The following IGSF21 variants were observed in gnomAD, a reference collection of about 807,000 sequenced individuals.
The protein encoded by IGSF21 is immunoglobin superfamily member 21, also known as immunoglobulin superfamily member 21.
In IGSF21, 28 loss-of-function variants were observed where a neutral mutation model predicts 46.8. The ratio of observed to expected loss-of-function variants is 0.60; its 90% CI spans 0.44 to 0.82. The LOEUF is 0.82. Ranked by LOEUF, IGSF21 falls within the 40% of genes least tolerant of loss-of-function variation. The pLI, the probability that IGSF21 is intolerant of heterozygous loss-of-function variation, is 0.00. For missense variants in IGSF21, 624 were observed against 665.5 expected (o/e 0.94, Z 0.69); for synonymous variants, 284 against 273.6 (o/e 1.04, Z -0.38).
intron 6 of IGSF21, among the ~76,000 whole-genome samples, chr1:18,371,447 C>T (rs555616105): frequency 7.9e-5 from 12 of 152,190 alleles, no homozygotes; most frequent in African/African-American, 1.7e-4. Context: ...TAGCTCATGC[C>T]TGTAGGCCCA....
intron 1 of IGSF21, among the ~76,000 whole-genome samples, chr1:18,222,862 C>T (rs1401887723): frequency 6.6e-6 from 1 of 152,204 alleles, no homozygotes; most frequent in Non-Finnish European, 1.5e-5. Flanking sequence ...AGCTCCCTTG[C>T]TATATGAACC....
At chr1:18,289,159 A>T (rs957980464) in intron 2 of IGSF21, among the ~76,000 whole-genome samples, 2 of 151,934 alleles carry the variant, frequency 1.3e-5, no homozygotes, top group South Asian at 4.2e-4. Context: ...TTTGTGTAAT[A>T]AAAAAAATGG....
chr1:18,134,724 CTGAAAA>C (rs1448942020), intron 1 of IGSF21, among the ~76,000 whole-genome samples: 2 of 152,162 alleles, frequency 1.3e-5, no homozygotes, highest in Non-Finnish European at 2.9e-5. Context: ...CTCACAGGTA[CTGAAAA>C]ACCCCAGCAC....
At chr1:18,128,028 T>C (rs1409473651) in intron 1 of IGSF21, among the ~76,000 whole-genome samples, 2 of 152,146 alleles carry the variant, frequency 1.3e-5, no homozygotes, top group African/African-American at 4.8e-5. Context: ...AGGTCTTCAT[T>C]CAAGGGAAGA....
At chr1:18,172,526 G>C (rs868446532) in intron 1 of IGSF21, among the ~76,000 whole-genome samples, 34 of 152,332 alleles carry the variant, frequency 2.2e-4, no homozygotes, top group Middle Eastern at 6.8e-3. Context: ...CTGACTTGTA[G>C]ATGGCCGCCT....
chr1:18,255,393 C>T (rs1006597250), intron 2 of IGSF21, among the ~76,000 whole-genome samples: 1 of 152,148 alleles, frequency 6.6e-6, no homozygotes, highest in South Asian at 2.1e-4. Flanking sequence ...TGCCCTCTGC[C>T]TGTTGCAATG....
At chr1:18,254,365 AC>A (rs2084870497) in intron 2 of IGSF21, among the ~76,000 whole-genome samples, 1 of 150,538 alleles carries the variant, frequency 6.6e-6, no homozygotes, top group African/African-American at 2.5e-5. Flanking sequence ...CAAAACCCTA[AC>A]CCTAACCCTA....
At chr1:18,274,516 A>G (rs116656117) in intron 2 of IGSF21, among the ~76,000 whole-genome samples, 2 of 152,392 alleles carry the variant, frequency 1.3e-5, no homozygotes, top group Non-Finnish European at 2.9e-5. Flanking sequence ...GTTTTTGTAA[A>G]TAAAGTTTTA....
At chr1:18,111,413 T>A (rs2086144257) in intron 1 of IGSF21, 2 of 152,230 alleles carry the variant, frequency 1.3e-5, no homozygotes, top group Non-Finnish European at 2.9e-5. Context: ...GAAACTTGTG[T>A]GTTTTTCTTT....
At chr1:18,139,927 C>A (rs2086400266) in intron 1 of IGSF21, among the ~76,000 whole-genome samples, 1 of 151,178 alleles carries the variant, frequency 6.6e-6, no homozygotes, top group Non-Finnish European at 1.5e-5. Flanking sequence ...ATGAATATCC[C>A]AACTTCCTTT....
chr1:18,286,039 C>A (rs1356899972), intron 2 of IGSF21, among the ~76,000 whole-genome samples: 1 of 152,172 alleles, frequency 6.6e-6, no homozygotes, highest in South Asian at 2.1e-4. Flanking sequence ...GCACACAGAA[C>A]CCTCCAACCT....
intron 2 of IGSF21, among the ~76,000 whole-genome samples, chr1:18,271,017 C>T (rs968516214): frequency 6.6e-5 from 10 of 152,200 alleles, no homozygotes; most frequent in Non-Finnish European, 1.3e-4. Flanking sequence ...ATGGCGTTGA[C>T]TTTGGACAGC....
intron 2 of IGSF21, among the ~76,000 whole-genome samples, chr1:18,273,037 A>ATTTTT (rs2085057685): frequency 1.1e-5 from 1 of 90,202 alleles, no homozygotes; most frequent in African/African-American, 4.7e-5. Context: ...AGCCAGACGG[A>ATTTTT]TCTTTTTTTT....
chr1:18,345,685 T>G (rs1454430288), intron 4 of IGSF21, among the ~76,000 whole-genome samples: 1 of 152,242 alleles, frequency 6.6e-6, no homozygotes, highest in Non-Finnish European at 1.5e-5. Context: ...CACCCGGCTA[T>G]GGTTAATGTT....
intron 2 of IGSF21, among the ~76,000 whole-genome samples, chr1:18,283,653 C>T (rs1041746019): frequency 6.6e-6 from 1 of 152,042 alleles, no homozygotes; most frequent in South Asian, 2.1e-4. Context: ...GCCTTCATTC[C>T]CCTCACCTCT....
Position 18,171,555 on chromosome 1 carries a change from C to T in IGSF21, c.71-56343C>T, listed in dbSNP as rs551786456. 5.3e-5 allele frequency among the ~76,000 whole-genome samples: 8 copies of T among 152,288 alleles called. No individual in the cohort carries two copies. The East Asian group carries it at 9.7e-4, about 18-fold the overall frequency. On this transcript the variant is annotated intron_variant, in intron 1 of 9. Coordinates refer to ENST00000251296, the MANE Select transcript of IGSF21 (RefSeq NM_032880.5). ...TTCTGGCTCTGCTGCTCACTAGCCACGAGTGACTTTTCCTCTCCAAGCCTC... is the reference window on the plus strand; with the variant it reads ...TTCTGGCTCTGCTGCTCACTAGCCATGAGTGACTTTTCCTCTCCAAGCCTC...
intron 4 of IGSF21, among the ~76,000 whole-genome samples, chr1:18,357,213 TG>T (rs1241558818): frequency 9.9e-6 from 1 of 100,786 alleles, no homozygotes; most frequent in Non-Finnish European, 2.0e-5. Flanking sequence ...GGGTTGGGGA[TG>T]GGGGTAGATA....
intron 1 of IGSF21, among the ~76,000 whole-genome samples, chr1:18,118,197 G>A (rs181651445): frequency 3.3e-5 from 5 of 152,296 alleles, no homozygotes; most frequent in Non-Finnish European, 5.9e-5. Context: ...CTACAGAGGC[G>A]CTCAGCGCTC....
intron 1 of IGSF21, among the ~76,000 whole-genome samples, chr1:18,151,731 C>G (rs548492383): frequency 6.6e-6 from 1 of 152,064 alleles, no homozygotes; most frequent in Admixed American, 6.5e-5. Context: ...CTGCAGGGGG[C>G]TGTGGGGGGC....
Sources: allele counts gnomAD v4.1 joint callset (sites outside exome capture counted in the v4.1 genomes callset), GRCh38; gene constraint gnomAD v4.1.1; transcripts MANE v1.5; gene names NCBI Gene and HGNC (gene_info 2026-07-23, HGNC 2026-07-21).